The following FZD3 variants were observed in gnomAD, a reference collection of about 807,000 sequenced individuals.
FZD3 encodes the protein frizzled-3.
A neutral mutation model predicts 60.7 loss-of-function variants in FZD3; 30 were observed. That is an observed-to-expected ratio of 0.49 (90% CI 0.37 to 0.67). FZD3 has a LOEUF of 0.67. FZD3 is among the 30% of genes least tolerant of loss of function. The probability of loss-of-function intolerance (pLI) is 0.00; values close to 1 mark genes in which losing one functional copy is unlikely to be tolerated. For synonymous variants in FZD3, 246 were observed against 275.2 expected (o/e 0.89, Z 1.05); for missense variants, 605 against 838.7 (o/e 0.72, Z 3.44).
chr8:28,544,312 A>G (rs1805245011), intron 5 of FZD3, among the ~76,000 whole-genome samples: 2 of 152,190 alleles, frequency 1.3e-5, no homozygotes, highest in Non-Finnish European at 2.9e-5. Flanking sequence ...ATATTGGAAA[A>G]TGTAAGAAAG....
intron 7 of FZD3, among the ~76,000 whole-genome samples, chr8:28,562,270 C>T (rs911848884): frequency 6.6e-6 from 1 of 152,026 alleles, no homozygotes; most frequent in East Asian, 1.9e-4. Context: ...AAGCAGCTTT[C>T]GGCACATACT....
chr8:28,557,230 G>A (rs1354160463), intron 7 of FZD3, among the ~76,000 whole-genome samples: 1 of 147,436 alleles, frequency 6.8e-6, no homozygotes, highest in East Asian at 2.0e-4. Flanking sequence ...AAAAAAAGAA[G>A]AAGAAATGAT....
chr8:28,494,656 G>C (rs1248067362), intron 1 of FZD3, among the ~76,000 whole-genome samples: 2 of 152,152 alleles, frequency 1.3e-5, no homozygotes, highest in East Asian at 1.9e-4. Flanking sequence ...GCTGCCCCGG[G>C]AGACTGTTAA....
At chr8:28,505,375 A>G (rs567581711) in intron 3 of FZD3, among the ~76,000 whole-genome samples, 96 of 151,586 alleles carry the variant, frequency 6.3e-4, no homozygotes, top group Middle Eastern at 3.4e-3. Context: ...TTTTTGAGAC[A>G]TGGTCTCACT....
At chr8:28,539,903 A>G (rs971223069) in intron 5 of FZD3, among the ~76,000 whole-genome samples, 1 of 152,134 alleles carries the variant, frequency 6.6e-6, no homozygotes, top group South Asian at 2.1e-4. Context: ...TTTCACCCTT[A>G]GCATGAGTAG....
chr8:28,556,307 G>A (rs1805507474), intron 7 of FZD3, among the ~76,000 whole-genome samples: 1 of 152,162 alleles, frequency 6.6e-6, no homozygotes, highest in Admixed American at 6.5e-5. Flanking sequence ...GATGACTTAG[G>A]CATGATCTTT....
chr8:28,567,929 CCTAT>C lies in FZD3; in HGVS notation c.*4919_*4922del, dbSNP rs893625562. 60 of 151,916 alleles carry C rather than the reference CCTAT, an allele frequency of 3.9e-4. No individual in the cohort carries two copies. The highest frequency in any genetic ancestry group is 1.4e-3 in the African/African-American group (56 of 41,436). The allele number at this position is 151,916 out of a possible 1,614,324, so 9.4% of individuals were successfully genotyped here. A position where few individuals can be genotyped will look rare whatever the true frequency, so the allele number is the denominator to read the frequency against. On this transcript the variant is annotated 3_prime_UTR_variant, in exon 8 of 8. Transcript: ENST00000240093. ...AATATATATGAAGAAGAATGTAGAC[CCTAT>C]AATGTTTTTTGTCTTTGACTTTTTG...
rs1804748528 is a variant in FZD3, at chr8:28,527,566, C to G, written c.806C>G (p.Pro269Arg). The change falls in exon 5 of 8, where the codon CCT (proline) becomes CGT (arginine). Residue 269 changes from proline to arginine, a missense_variant. Coordinates refer to ENST00000240093, the MANE Select transcript of FZD3 (RefSeq NM_017412.4). This position sits in a 1 kb window ranked among gnomAD's most constrained non-coding sequence, Gnocchi z 5.0. ...EDRVACNASI[P>R]AQYKASTVTQ... is the part of the protein sequence containing the mutation. Reference sequence around the variant, plus strand: ...CGAGTAGCCTGCAATGCATCCATCCCTGCACAATATAAGGCTTCCACAGTG... The same window carrying G: ...CGAGTAGCCTGCAATGCATCCATCCGTGCACAATATAAGGCTTCCACAGTG... 6.2e-7 allele frequency: 1 copy of G among 1,614,002 alleles called. No individual in the cohort carries two copies. The highest frequency in any genetic ancestry group is 8.5e-7 in the Non-Finnish European group (1 of 1,179,910).
At chr8:28,506,336 G>A (rs1804140193) in intron 3 of FZD3, among the ~76,000 whole-genome samples, 1 of 152,168 alleles carries the variant, frequency 6.6e-6, no homozygotes, top group South Asian at 2.1e-4. Flanking sequence ...TCTTTGTGTT[G>A]ATTTCCAATA....
intron 5 of FZD3, among the ~76,000 whole-genome samples, chr8:28,542,836 A>G (rs960115780): frequency 6.6e-6 from 1 of 150,708 alleles, no homozygotes; most frequent in Non-Finnish European, 1.5e-5. Flanking sequence ...GAATTTTCTG[A>G]CTATTTGCTG....
At chr8:28,514,425 A>G (rs1004874034) in intron 3 of FZD3, among the ~76,000 whole-genome samples, 60 of 152,210 alleles carry the variant, frequency 3.9e-4, no homozygotes, top group African/African-American at 1.4e-3. Context: ...AACTGCCCTC[A>G]TATAAAGCAT....
At chr8:28,528,242 G>A (rs1248273463) in intron 5 of FZD3, 78 bp downstream of exon 5, 2 of 1,117,294 alleles carry the variant, frequency 1.8e-6, no homozygotes, top group Non-Finnish European at 2.5e-6. Context: ...GTTAATATCA[G>A]CTGTTTTTTG....
chr8:28,494,576 G>C (rs1019229842), intron 1 of FZD3, among the ~76,000 whole-genome samples: 4 of 152,032 alleles, frequency 2.6e-5, no homozygotes, highest in Admixed American at 2.0e-4. Flanking sequence ...CCGGGCCCGC[G>C]GTGGCGGCTG....
At chr8:28,550,176 T>C (rs1230819648) in intron 5 of FZD3, among the ~76,000 whole-genome samples, 1 of 152,116 alleles carries the variant, frequency 6.6e-6, no homozygotes, top group Non-Finnish European at 1.5e-5. Context: ...ACTTTATTTC[T>C]TCTATAATAT....
In FZD3 at chr8:28,569,516, C is replaced by A. The variant is rs925708087; in HGVS notation, c.*6505C>A. ...GGTTCTCATTTGACCATTTTATAATCATTATTTTGGTCTCATTTTTATTCT... is the reference window on the plus strand; with the variant it reads ...GGTTCTCATTTGACCATTTTATAATAATTATTTTGGTCTCATTTTTATTCT... On this transcript the variant is annotated 3_prime_UTR_variant, in exon 8 of 8. Coordinates refer to ENST00000240093, the MANE Select transcript of FZD3 (RefSeq NM_017412.4). 3 of 151,718 alleles carry A rather than the reference C, an allele frequency of 2.0e-5. No homozygotes were observed. Among genetic ancestry groups the A allele is most frequent in the African/African-American group, 7.3e-5 (3 of 41,284 alleles). The allele number at this position is 151,718 out of a possible 1,614,324, so 9.4% of individuals were successfully genotyped here. A position where few individuals can be genotyped will look rare whatever the true frequency, so the allele number is the denominator to read the frequency against.
In FZD3 at chr8:28,572,130, T is replaced by A. The variant is rs922268386; in HGVS notation, c.*9119T>A. On this transcript the variant is annotated 3_prime_UTR_variant, in exon 8 of 8. Transcript: ENST00000240093. Reference sequence around the variant, plus strand: ...GCGGTCATCTCGGCATGTGGATCGCTCCTCCTGTAGATCAGCTGTTCTCTC... The same window carrying A: ...GCGGTCATCTCGGCATGTGGATCGCACCTCCTGTAGATCAGCTGTTCTCTC... 4.6e-5 allele frequency: 7 copies of A among 152,148 alleles called. No individual in the cohort carries two copies. Among genetic ancestry groups the A allele is most frequent in the African/African-American group, 1.4e-4 (6 of 41,442 alleles). The allele number at this position is 152,148 out of a possible 1,614,324, so 9.4% of individuals were successfully genotyped here. A position where few individuals can be genotyped will look rare whatever the true frequency, so the allele number is the denominator to read the frequency against.
intron 7 of FZD3, among the ~76,000 whole-genome samples, chr8:28,556,189 G>A (rs1243994356): frequency 6.6e-6 from 1 of 152,190 alleles, no homozygotes; most frequent in Admixed American, 6.5e-5. Flanking sequence ...AGGGGATTGA[G>A]CAGGGAAAAG....
chr8:28,519,745 A>C (rs1477985451), intron 3 of FZD3, among the ~76,000 whole-genome samples: 4 of 151,218 alleles, frequency 2.6e-5, no homozygotes, highest in Non-Finnish European at 3.0e-5. Flanking sequence ...AAAAAAAAAA[A>C]AAACCAAGAA....
At chr8:28,503,523 C>T (rs557810813) in intron 3 of FZD3, among the ~76,000 whole-genome samples, 175 of 152,188 alleles carry the variant, frequency 1.1e-3, no homozygotes, top group African/African-American at 4.0e-3. Flanking sequence ...TTTGTCAATG[C>T]GAATTATCTG....
Sources: gnomAD v4.1 joint callset for allele counts (sites outside exome capture counted in the v4.1 genomes callset) on GRCh38, gnomAD v4.1.1 for gene constraint, Gnocchi (gnomAD v3.1) non-coding constraint, MANE v1.5 for transcripts, NCBI Gene and HGNC (gene_info 2026-07-23, HGNC 2026-07-21) for gene names.